The following HTR1F variants were observed in gnomAD, a reference collection of about 807,000 sequenced individuals.
HTR1F encodes 5-hydroxytryptamine (serotonin) receptor 1F, G protein-coupled.
In HTR1F, 17 loss-of-function variants were observed where a neutral mutation model predicts 24.0. The ratio of observed to expected loss-of-function variants is 0.71; its 90% CI spans 0.48 to 1.06. HTR1F has a LOEUF of 1.06. Ranked by LOEUF, HTR1F falls within the 50% of genes least tolerant of loss-of-function variation. The pLI is 0.00. For synonymous variants in HTR1F, 186 were observed against 156.8 expected, an observed-to-expected ratio of 1.19 and a Z score of -1.39; for missense variants, 391 against 427.8, an observed-to-expected ratio of 0.91 and a Z score of 0.76.
chr3:87,971,103 A>G (rs1309325160), intron 2 of HTR1F, among the ~76,000 whole-genome samples: 1 of 152,032 alleles, frequency 6.6e-6, no homozygotes, highest in African/African-American at 2.4e-5. Flanking sequence ...TTCTACCAAC[A>G]CCTTAACACA....
At chr3:87,875,867 T>C (rs1399879843) in intron 2 of HTR1F, among the ~76,000 whole-genome samples, 3 of 141,468 alleles carry the variant, frequency 2.1e-5, no homozygotes, top group Non-Finnish European at 4.5e-5. Context: ...GAGCTTGCAG[T>C]GAGCCAAGAT....
chr3:87,892,898 C>G (rs1019237456), intron 2 of HTR1F, among the ~76,000 whole-genome samples: 3 of 151,784 alleles, frequency 2.0e-5, no homozygotes, highest in African/African-American at 7.3e-5. Flanking sequence ...ATCTGTCAGG[C>G]CTACCTTTGT....
At chr3:87,812,529 T>G (rs1476359687) in intron 1 of HTR1F, among the ~76,000 whole-genome samples, 1 of 152,182 alleles carries the variant, frequency 6.6e-6, no homozygotes, top group African/African-American at 2.4e-5. Context: ...TTTGGAAAAT[T>G]TGCAGCCTGG....
At chr3:87,829,122 T>C (rs199824770) in intron 2 of HTR1F, among the ~76,000 whole-genome samples, 1 of 151,998 alleles carries the variant, frequency 6.6e-6, no homozygotes, top group Admixed American at 6.6e-5. Context: ...TCTATGGCTG[T>C]TGCTGTGTTG....
chr3:87,900,508 T>A (rs1706297741), intron 2 of HTR1F, among the ~76,000 whole-genome samples: 1 of 152,154 alleles, frequency 6.6e-6, no homozygotes, highest in Admixed American at 6.6e-5. Flanking sequence ...TGATCTGACT[T>A]ACATTTCAGC....
chr3:87,859,233 G>T (rs1705266247), intron 2 of HTR1F, among the ~76,000 whole-genome samples: 1 of 152,122 alleles, frequency 6.6e-6, no homozygotes, highest in African/African-American at 2.4e-5. Flanking sequence ...AAAAAGAGAA[G>T]TTTTGGCACA....
chr3:87,818,122 A>C (rs1375269342), intron 1 of HTR1F, among the ~76,000 whole-genome samples: 1 of 152,214 alleles, frequency 6.6e-6, no homozygotes, highest in Non-Finnish European at 1.5e-5. Context: ...GCTCTCAGCA[A>C]AGAGACTTTG....
At chr3:87,861,110 T>C (rs1365814684) in intron 2 of HTR1F, among the ~76,000 whole-genome samples, 3 of 152,124 alleles carry the variant, frequency 2.0e-5, no homozygotes, top group Non-Finnish European at 2.9e-5. Context: ...TGAGCCAAGA[T>C]CGCACCACTG....
chr3:87,968,102 C>T (rs1705205483), intron 2 of HTR1F, among the ~76,000 whole-genome samples: 1 of 152,192 alleles, frequency 6.6e-6, no homozygotes, highest in African/African-American at 2.4e-5. Context: ...AGCTGGAATA[C>T]AGGTGACTCT....
chr3:87,890,973 CTGGGATTACA>C (rs1706069107), intron 2 of HTR1F, among the ~76,000 whole-genome samples: 1 of 151,816 alleles, frequency 6.6e-6, no homozygotes, highest in Non-Finnish European at 1.5e-5. Context: ...TCCCAAGTAG[CTGGGATTACA>C]GGCACCTGCC....
At chr3:87,932,688 A>T (rs1704310453) in intron 2 of HTR1F, among the ~76,000 whole-genome samples, 2 of 151,970 alleles carry the variant, frequency 1.3e-5, no homozygotes, top group South Asian at 2.1e-4. Context: ...TAATAACAGG[A>T]TCTGAAATTG....
chr3:87,912,325 T>TA (rs1330050290), intron 2 of HTR1F, among the ~76,000 whole-genome samples: 11 of 151,630 alleles, frequency 7.3e-5, no homozygotes, highest in African/African-American at 1.2e-4. Context: ...TCACAATTGC[T>TA]AAAAAAAGGA....
chr3:87,867,986 C>T (rs1705465336), intron 2 of HTR1F, among the ~76,000 whole-genome samples: 1 of 152,056 alleles, frequency 6.6e-6, no homozygotes, highest in African/African-American at 2.4e-5. Context: ...TTAACTATGG[C>T]TTATGATCCA....
At chr3:87,850,315 G>A (rs1179859551) in intron 2 of HTR1F, among the ~76,000 whole-genome samples, 2 of 151,838 alleles carry the variant, frequency 1.3e-5, no homozygotes, top group Non-Finnish European at 2.9e-5. Flanking sequence ...GTAGGGACAT[G>A]GATGAAGCCG....
chr3:87,918,940 A>C (rs1231984384), intron 2 of HTR1F, among the ~76,000 whole-genome samples: 4 of 152,134 alleles, frequency 2.6e-5, no homozygotes, highest in African/African-American at 4.8e-5. Flanking sequence ...CAAAAAGTAC[A>C]AATCTGGAGG....
intron 2 of HTR1F, among the ~76,000 whole-genome samples, chr3:87,902,480 T>G (rs904786604): frequency 6.6e-6 from 1 of 152,126 alleles, no homozygotes; most frequent in African/African-American, 2.4e-5. Context: ...GGTAACGTAC[T>G]TCATGACCTT....
rs537324513 is a variant in HTR1F at position 87,975,115 on chromosome 3, A to T, written c.-42-15593A>T. The stretch of plus-strand genomic sequence containing the variant: ...ATTAAAATACTTTCAACCTAGAAAT[A>T]ATAATTGCTACTCTTATAGGAGTAA... On this transcript the variant is annotated intron_variant, in intron 2 of 2. Transcript: ENST00000319595. Among the ~76,000 whole-genome samples, 3 of 152,260 alleles carry T rather than the reference A, an allele frequency of 2.0e-5. No homozygotes were observed. In the East Asian group the frequency reaches 5.8e-4, roughly 29 times the overall value.
At chr3:87,908,487 T>C (rs1703711466) in intron 2 of HTR1F, among the ~76,000 whole-genome samples, 1 of 152,044 alleles carries the variant, frequency 6.6e-6, no homozygotes, top group Admixed American at 6.6e-5. Context: ...GTCACTGTGG[T>C]ATTTTTAATC....
chr3:87,977,650 T>C (rs929705091), intron 2 of HTR1F, among the ~76,000 whole-genome samples: 33 of 151,820 alleles, frequency 2.2e-4, no homozygotes, highest in South Asian at 2.1e-4. Flanking sequence ...CTCGATCTCC[T>C]GACCTCATGA....
Sources: allele counts gnomAD v4.1 joint callset (sites outside exome capture counted in the v4.1 genomes callset), GRCh38; gene constraint gnomAD v4.1.1; transcripts MANE v1.5; gene names NCBI Gene and HGNC (gene_info 2026-07-23, HGNC 2026-07-21).